The following SRGAP2 variants were observed in gnomAD, a reference collection of about 807,000 sequenced individuals.
SRGAP2 encodes the protein SLIT-ROBO Rho GTPase activating protein 2.
A neutral mutation model predicts 57.2 loss-of-function variants in SRGAP2; 15 were observed. The observed-to-expected ratio is 0.26, with a 90% confidence interval of 0.18 to 0.40. SRGAP2 has a LOEUF of 0.40. Ranked by LOEUF, SRGAP2 falls within the 10% of genes least tolerant of loss-of-function variation. The pLI, the probability that SRGAP2 is intolerant of heterozygous loss-of-function variation, is 1.00. For missense variants in SRGAP2, 520 were observed against 669.6 expected (o/e 0.78, Z 2.47); for synonymous variants, 249 against 248.0 (o/e 1.00, Z -0.04).
intron 2 of SRGAP2, among the ~76,000 whole-genome samples, chr1:206,276,433 A>G (rs1670415757): frequency 7.0e-6 from 1 of 143,544 alleles, no homozygotes; most frequent in East Asian, 2.1e-4. Flanking sequence ...CCTCCCTTAT[A>G]TAAAACTTGG....
At chr1:206,354,225 A>G (rs1339525531) in intron 4 of SRGAP2, among the ~76,000 whole-genome samples, 4 of 152,204 alleles carry the variant, frequency 2.6e-5, no homozygotes, top group African/African-American at 9.7e-5. Flanking sequence ...TATGTCATAG[A>G]AACTCTAGGT....
chr1:206,208,520 T>C (rs1209386072), intron 2 of SRGAP2, among the ~76,000 whole-genome samples: 1 of 152,086 alleles, frequency 6.6e-6, no homozygotes, highest in Non-Finnish European at 1.5e-5. Flanking sequence ...TAACTATTTA[T>C]TGAGTGCTTG....
At position 206,438,042 on chromosome 1, in the gene SRGAP2, G is replaced by C; in HGVS notation, c.1712G>C (p.Gly571Ala). 1.3e-6 allele frequency: 1 copy of C among 780,880 alleles called. No homozygotes were observed. Among genetic ancestry groups the C allele is most frequent in the South Asian group, 1.3e-5 (1 of 74,624 alleles). The allele number at this position is 780,880 out of a possible 1,614,324, so 48.4% of individuals were successfully genotyped here. Residue 571 changes from glycine (G) to alanine (A), a missense_variant, in exon 16 of 23, where the codon GGG becomes GCG. By Grantham distance (60) the Gly-to-Ala change is moderately conservative (BLOSUM62 0). Around this residue, in one of 5 missense-constraint regions of SRGAP2, gnomAD observed 478 missense variants for 373.6 expected, o/e 1.28. Coordinates refer to ENST00000573034, the MANE Select transcript of SRGAP2 (RefSeq NM_015326.5). The stretch of plus-strand genomic sequence containing the variant: ...GGTGTCCTGAAGCTTTACTTCCGGG[G>C]GCTGGAACACCCTCTCTTCCCCAAG... ...IAGVLKLYFR[G>A]LEHPLFPKDI...
intron 3 of SRGAP2, among the ~76,000 whole-genome samples, chr1:206,306,870 C>T (rs1437091477): frequency 6.6e-6 from 1 of 151,744 alleles, no homozygotes; most frequent in Admixed American, 6.6e-5. Context: ...TACAGAGTGC[C>T]GATTGGTGTA....
chr1:206,389,472 C>T (rs554182435), intron 5 of SRGAP2, among the ~76,000 whole-genome samples: 9 of 152,194 alleles, frequency 5.9e-5, no homozygotes, highest in South Asian at 4.1e-4. Flanking sequence ...CCGCCATGCC[C>T]GGCCTGTTCT....
At chr1:206,453,902 A>T (rs1173142907) in intron 20 of SRGAP2, 1 of 511,294 alleles carries the variant, frequency 2.0e-6, no homozygotes, top group Non-Finnish European at 3.5e-6. Context: ...GATGAGGTTG[A>T]TATAGGGTAA....
intron 3 of SRGAP2, among the ~76,000 whole-genome samples, chr1:206,333,773 A>G (rs1674563731): frequency 6.6e-6 from 1 of 152,252 alleles, no homozygotes; most frequent in African/African-American, 2.4e-5. Flanking sequence ...CTGGCTAGTA[A>G]GTGGCAGAGC....
chr1:206,312,753 G>T (rs571903983), intron 3 of SRGAP2, among the ~76,000 whole-genome samples: 34 of 152,264 alleles, frequency 2.2e-4, no homozygotes, highest in African/African-American at 8.0e-4. Context: ...AATTCTGTCA[G>T]CCTGGTTTGA....
chr1:206,376,977 A>G (rs534417665), intron 4 of SRGAP2, among the ~76,000 whole-genome samples: 1 of 152,112 alleles, frequency 6.6e-6, no homozygotes, highest in East Asian at 1.9e-4. Flanking sequence ...TGATTCAGCA[A>G]CTGATTATTT....
At chr1:206,457,745 G>A (rs1038774720) in intron 21 of SRGAP2, among the ~76,000 whole-genome samples, 1 of 152,162 alleles carries the variant, frequency 6.6e-6, no homozygotes, top group African/African-American at 2.4e-5. Flanking sequence ...CTTATCTTCA[G>A]AGTCTAACCC....
intron 2 of SRGAP2, among the ~76,000 whole-genome samples, chr1:206,287,740 GT>G (rs1258586226): frequency 2.9e-5 from 2 of 69,636 alleles, no homozygotes; most frequent in African/African-American, 2.2e-4. Flanking sequence ...CGATGAAAAG[GT>G]AGGTGGGTTG....
chr1:206,220,888 A>G (rs1666944887), intron 2 of SRGAP2, among the ~76,000 whole-genome samples: 1 of 150,774 alleles, frequency 6.6e-6, no homozygotes, highest in South Asian at 2.1e-4. Context: ...TTGAACAAGA[A>G]GATCATGAGC....
chr1:206,349,581 C>G (rs1675892380), intron 4 of SRGAP2, among the ~76,000 whole-genome samples: 1 of 141,952 alleles, frequency 7.0e-6, no homozygotes, highest in South Asian at 2.3e-4. Flanking sequence ...GCATGTAATA[C>G]TTTGCAGATA....
At chr1:206,253,774 C>T (rs1194023470) in intron 2 of SRGAP2, among the ~76,000 whole-genome samples, 5 of 130,758 alleles carry the variant, frequency 3.8e-5, no homozygotes, top group East Asian at 2.2e-4. Flanking sequence ...TAGCAGAGAC[C>T]GGGTTTCACC....
At chr1:206,307,815 G>A (rs1291884304) in intron 3 of SRGAP2, among the ~76,000 whole-genome samples, 2 of 151,634 alleles carry the variant, frequency 1.3e-5, no homozygotes, top group Admixed American at 6.6e-5. Flanking sequence ...ACGCAGCCCC[G>A]GTTCCCGCTC....
chr1:206,430,330 AG>A, intron 14 of SRGAP2, 108 bp downstream of exon 14: 1 of 725,076 alleles, frequency 1.4e-6, no homozygotes, highest in South Asian at 1.5e-5. Context: ...TGGCATTCTC[AG>A]AAAAGGAATA....
intron 3 of SRGAP2, among the ~76,000 whole-genome samples, chr1:206,307,735 C>A (rs1468415801): frequency 6.6e-6 from 1 of 150,578 alleles, no homozygotes; most frequent in African/African-American, 2.4e-5. Context: ...CAGGGCTGGC[C>A]GGCTGCTCCG....
chr1:206,225,556 G>A (rs1667225488), intron 2 of SRGAP2, among the ~76,000 whole-genome samples: 2 of 151,954 alleles, frequency 1.3e-5, no homozygotes, highest in South Asian at 4.2e-4. Flanking sequence ...ATTCAAGCAG[G>A]AATTTCATTA....
chr1:206,340,800 C>CT (rs1319598182), intron 3 of SRGAP2, among the ~76,000 whole-genome samples: 11 of 149,142 alleles, frequency 7.4e-5, no homozygotes, highest in Non-Finnish European at 1.3e-4. Flanking sequence ...TTCCAGTTCA[C>CT]TTTTTTTTCC....
Sources: allele counts gnomAD v4.1 joint callset (sites outside exome capture counted in the v4.1 genomes callset), GRCh38; gene constraint gnomAD v4.1.1; regional missense constraint gnomAD v4.1.1; transcripts MANE v1.5; gene names NCBI Gene and HGNC (gene_info 2026-07-23, HGNC 2026-07-21).